Variants in TMEM87B observed in about 807,000 individuals in gnomAD.
TMEM87B encodes transmembrane protein 87B.
Under a neutral mutation model 80.3 loss-of-function variants are expected in TMEM87B, and 83 were observed. The ratio of observed to expected loss-of-function variants is 1.03; its 90% CI spans 0.87 to 1.24. The LOEUF (loss-of-function observed/expected upper bound fraction) is 1.24, where lower values mean the gene tolerates loss of function less well. Ranked by LOEUF, TMEM87B falls within the 50% of genes most tolerant of loss-of-function variation. TMEM87B has a pLI of 0.00. For synonymous variants in TMEM87B, 219 were observed against 230.5 expected (o/e 0.95, Z 0.45); for missense variants, 625 against 674.4 (o/e 0.93, Z 0.81).
chr2:112,060,812 C>T (rs1450658020), intron 2 of TMEM87B, among the ~76,000 whole-genome samples: 2 of 152,130 alleles, frequency 1.3e-5, no homozygotes, highest in African/African-American at 4.8e-5. Context: ...GCTGGGATTA[C>T]AGGCATGAGC....
At chr2:112,055,944 TG>T (rs1185885612) in intron 1 of TMEM87B, among the ~76,000 whole-genome samples, 188 bp downstream of exon 1, 1 of 152,182 alleles carries the variant, frequency 6.6e-6, no homozygotes, top group African/African-American at 2.4e-5. Context: ...CGGCCCGACC[TG>T]GGCTGCAGGC....
At chr2:112,092,880 A>G (rs1374744483) in intron 11 of TMEM87B, among the ~76,000 whole-genome samples, 1 of 152,332 alleles carries the variant, frequency 6.6e-6, no homozygotes, top group South Asian at 2.1e-4. Context: ...ATGCAGGGTT[A>G]TGCATATCCC....
intron 9 of TMEM87B, among the ~76,000 whole-genome samples, chr2:112,088,215 G>A (rs1023583468): frequency 1.3e-5 from 2 of 152,218 alleles, no homozygotes; most frequent in African/African-American, 4.8e-5. Context: ...TACAGTGTAG[G>A]AAATGAAGGC....
intron 5 of TMEM87B, among the ~76,000 whole-genome samples, chr2:112,076,591 C>T (rs931726939): frequency 1.4e-4 from 21 of 152,048 alleles, no homozygotes; most frequent in African/African-American, 4.6e-4. Context: ...CCACCCACCT[C>T]GGCCTCCCAA....
chr2:112,087,131 T>TC (rs951990261), intron 9 of TMEM87B, among the ~76,000 whole-genome samples: 3 of 152,222 alleles, frequency 2.0e-5, no homozygotes, highest in African/African-American at 7.2e-5. Context: ...GATTCCCTGG[T>TC]CCAGCAGGAC....
chr2:112,099,099 G>A (rs1315338442), intron 14 of TMEM87B, among the ~76,000 whole-genome samples: 3 of 152,094 alleles, frequency 2.0e-5, no homozygotes, highest in Non-Finnish European at 2.9e-5. Flanking sequence ...GGAGAAGTAC[G>A]GCCAAAATGA....
chr2:112,091,598 G>GT, intron 10 of TMEM87B, 114 bp from the exon 11 acceptor site: 3 of 725,764 alleles, frequency 4.1e-6, no homozygotes, highest in Non-Finnish European at 6.8e-6. Flanking sequence ...AATCTTTTAT[G>GT]TGGCTTTGTA....
chr2:112,080,558 C>T (rs1428168263), intron 6 of TMEM87B, among the ~76,000 whole-genome samples: 2 of 152,176 alleles, frequency 1.3e-5, no homozygotes, highest in Non-Finnish European at 2.9e-5. Context: ...CACGCCCGGC[C>T]TGCCCATTCT....
chr2:112,100,517 G>T (rs777946766), intron 14 of TMEM87B, 105 bp from the exon 15 acceptor site: 3 of 648,886 alleles, frequency 4.6e-6, no homozygotes, highest in Non-Finnish European at 7.8e-6. Context: ...TAAAGTATAA[G>T]AAATTTTTTA....
At chr2:112,093,000 C>T (rs1368483299) in intron 11 of TMEM87B, among the ~76,000 whole-genome samples, 1 of 152,156 alleles carries the variant, frequency 6.6e-6, no homozygotes, top group African/African-American at 2.4e-5. Flanking sequence ...GTTTTTGATA[C>T]TTATGTCTTT....
intron 15 of TMEM87B, among the ~76,000 whole-genome samples, chr2:112,101,011 T>C (rs1197803751): frequency 6.6e-6 from 1 of 152,212 alleles, no homozygotes; most frequent in East Asian, 1.9e-4. Flanking sequence ...TAAGTTTCTT[T>C]GAGTTGCATC....
At chr2:112,092,380 G>A (rs534471914) in intron 11 of TMEM87B, among the ~76,000 whole-genome samples, 23 of 152,318 alleles carry the variant, frequency 1.5e-4, no homozygotes, top group African/African-American at 5.3e-4. Flanking sequence ...AGCCTTGGCA[G>A]GCGGTTCAGG....
Position 112,057,893 on chromosome 2 carries a change from T to G in TMEM87B, c.166-2084T>G, listed in dbSNP as rs552235917. Reference sequence around the variant, plus strand: ...CCCAGGCTGGAGTGCAGTGGCACAATCTTGGCTCACTGCAACTTCCACCTC... The same window carrying G: ...CCCAGGCTGGAGTGCAGTGGCACAAGCTTGGCTCACTGCAACTTCCACCTC... On this transcript the variant is annotated intron_variant, in intron 1 of 18. Coordinates refer to ENST00000283206, the MANE Select transcript of TMEM87B (RefSeq NM_032824.3). Among the ~76,000 whole-genome samples, 122 of 148,260 alleles carry G rather than the reference T, an allele frequency of 8.2e-4. 1 individual carries two copies. The Middle Eastern group carries it at 0.018, about 22-fold the overall frequency.
intron 3 of TMEM87B, 133 bp downstream of exon 3, chr2:112,064,386 C>A: frequency 1.4e-6 from 1 of 722,152 alleles, no homozygotes. Flanking sequence ...AATTTTGGGA[C>A]TTATGGCAAT....
At chr2:112,082,820 G>C (rs1342810846) in intron 8 of TMEM87B, among the ~76,000 whole-genome samples, 2 of 152,116 alleles carry the variant, frequency 1.3e-5, no homozygotes, top group African/African-American at 4.8e-5. Flanking sequence ...GTTTAGTGAA[G>C]GTAAAGGGTG....
chr2:112,079,867 G>A (rs1353939771), intron 6 of TMEM87B, among the ~76,000 whole-genome samples: 1 of 145,850 alleles, frequency 6.9e-6, no homozygotes, highest in Non-Finnish European at 1.5e-5. Flanking sequence ...CATTTTTCAT[G>A]TATTAATATC....
At chr2:112,092,579 G>A (rs1192145802) in intron 11 of TMEM87B, among the ~76,000 whole-genome samples, 1 of 152,238 alleles carries the variant, frequency 6.6e-6, no homozygotes, top group Non-Finnish European at 1.5e-5. Flanking sequence ...TGCCTTTGCA[G>A]TGGTCGAAAG....
chr2:112,112,852 G>T (rs777635037), intron 17 of TMEM87B, 47 bp from the exon 18 acceptor site: 8 of 1,586,092 alleles, frequency 5.0e-6, no homozygotes, highest in Non-Finnish European at 6.9e-6. Context: ...GGATACACTG[G>T]CCTTACTGTT....
intron 11 of TMEM87B, among the ~76,000 whole-genome samples, 162 bp from the exon 12 acceptor site, chr2:112,096,882 T>A (rs1240265532): frequency 1.3e-5 from 2 of 152,234 alleles, no homozygotes; most frequent in Non-Finnish European, 2.9e-5. Context: ...AGTATAATGA[T>A]TGTACAATAT....
Sources: gnomAD v4.1 joint callset for allele counts (sites outside exome capture counted in the v4.1 genomes callset) on GRCh38, gnomAD v4.1.1 for gene constraint, MANE v1.5 for transcripts, NCBI Gene and HGNC (gene_info 2026-07-23, HGNC 2026-07-21) for gene names.